Variants in GTF2H4 observed in about 807,000 individuals in gnomAD.
GTF2H4 encodes general transcription factor IIH subunit 4, also known as BTF2 p52.
A neutral mutation model predicts 62.2 loss-of-function variants in GTF2H4; 49 were observed. The ratio of observed to expected loss-of-function variants is 0.79; its 90% confidence interval spans 0.63 to 1.00. The LOEUF is 1.00. GTF2H4 is among the 50% of genes least tolerant of loss of function. The pLI, the probability that GTF2H4 is intolerant of heterozygous loss-of-function variation, is 0.00. For missense variants in GTF2H4, 479 were observed against 587.8 expected (o/e 0.81, Z 1.91); for synonymous variants, 189 against 233.8 (o/e 0.81, Z 1.75).
In GTF2H4 at chr6:30,914,018, G is replaced by GGACTGGGCGA; in HGVS notation, c.*44_*45insAGACTGGGCG. ...ACTTGGACACGGACCTCGGCGGGCG[G>GGACTGGGCGA]GACTGGGCGGGGCGGGGCATCAGAA... On this transcript the variant is annotated 3_prime_UTR_variant, in exon 14 of 14. Transcript: ENST00000259895. The GGACTGGGCGA allele has an allele frequency of 6.6e-7, 1 of 1,516,326 alleles. No individual in the cohort carries two copies. The highest frequency in any genetic ancestry group is 1.2e-5 in the South Asian group (1 of 83,758). The allele number at this position is 1,516,326 out of a possible 1,614,324, so 93.9% of individuals were successfully genotyped here.
In GTF2H4 at chr6:30,911,640, G is replaced by A. The variant is rs749880353; in HGVS notation, c.742-44G>A. Reference sequence around the variant, plus strand: ...AATGAATGTATGGGGTTGGGGGTGGGTGGGTTGTGTTTTGGACCCCAGCTG... The same window carrying A: ...AATGAATGTATGGGGTTGGGGGTGGATGGGTTGTGTTTTGGACCCCAGCTG... On this transcript the variant is annotated intron_variant, in intron 8 of 13. Coordinates refer to ENST00000259895, the MANE Select transcript of GTF2H4 (RefSeq NM_001517.5). This position sits in a 1 kb window ranked among gnomAD's most constrained non-coding sequence, Gnocchi z 4.3. 2.1e-6 allele frequency: 3 copies of A among 1,460,118 alleles called. No individual in the cohort carries two copies. The highest frequency in any genetic ancestry group is 2.3e-5 in the East Asian group (1 of 44,108). The allele number at this position is 1,460,118 out of a possible 1,614,324, so 90.4% of individuals were successfully genotyped here.
At position 30,914,019 on chromosome 6, in the gene GTF2H4, G is replaced by GGGGGGGGGT; in HGVS notation, c.*36_*37insGGGGGGGGT. On this transcript the variant is annotated 3_prime_UTR_variant, in exon 14 of 14. Transcript: ENST00000259895. ...CTTGGACACGGACCTCGGCGGGCGG[G>GGGGGGGGGT]ACTGGGCGGGGCGGGGCATCAGAAC... 7.5e-7 allele frequency: 1 copy of GGGGGGGGGT among 1,329,176 alleles called. No individual in the cohort carries two copies. The highest frequency in any genetic ancestry group is 1.1e-6 in the Non-Finnish European group (1 of 947,432). The allele number at this position is 1,329,176 out of a possible 1,614,324, so 82.3% of individuals were successfully genotyped here.
In GTF2H4 at chr6:30,909,816, CT is replaced by C. The variant is rs1793689895; in HGVS notation, c.243-115del. 2 of 986,462 alleles carry C rather than the reference CT, an allele frequency of 2.0e-6. No homozygotes were observed. Among genetic ancestry groups the C allele is most frequent in the Non-Finnish European group, 3.1e-6 (2 of 654,798 alleles). The allele number at this position is 986,462 out of a possible 1,614,324, so 61.1% of individuals were successfully genotyped here. A position where few individuals can be genotyped will look rare whatever the true frequency, so the allele number is the denominator to read the frequency against. ...TTGTCTTAGGAAGATACTAATTTCA[CT>C]CTGTGGAACAGTGTTCCAAGGGTCA... is the stretch of plus-strand genomic sequence containing the variant. On this transcript the variant is annotated intron_variant, in intron 3 of 13. Coordinates refer to ENST00000259895, the MANE Select transcript of GTF2H4 (RefSeq NM_001517.5). The surrounding 1 kb of genome is among the most constrained non-coding windows in gnomAD (Gnocchi z 4.3).
Position 30,909,851 on chromosome 6 carries a change from A to C in GTF2H4, c.243-81A>C, listed in dbSNP as rs1793690928. On this transcript the variant is annotated intron_variant, in intron 3 of 13. Coordinates refer to ENST00000259895, the MANE Select transcript of GTF2H4 (RefSeq NM_001517.5). The surrounding 1 kb of genome is among the most constrained non-coding windows in gnomAD (Gnocchi z 4.3). ...CAGTGTTCCAAGGGTCAGCAAGTTC[A>C]GAACAGGCAGAGATGGTGGCTTTTA... 6.5e-6 allele frequency: 9 copies of C among 1,394,344 alleles called. No homozygotes were observed. Among genetic ancestry groups the C allele is most frequent in the Non-Finnish European group, 8.9e-6 (9 of 1,015,818 alleles). 86.4% of individuals were successfully genotyped at this position (1,394,344 alleles called of 1,614,324 possible). A position where few individuals can be genotyped will look rare whatever the true frequency, so the allele number is the denominator to read the frequency against.
At position 30,909,847 on chromosome 6, in the gene GTF2H4, G is replaced by A. The variant is rs1038759770; in HGVS notation, c.243-85G>A. ...GGAACAGTGTTCCAAGGGTCAGCAA[G>A]TTCAGAACAGGCAGAGATGGTGGCT... On this transcript the variant is annotated intron_variant, in intron 3 of 13. Coordinates refer to ENST00000259895, the MANE Select transcript of GTF2H4 (RefSeq NM_001517.5). The surrounding 1 kb of genome is among the most constrained non-coding windows in gnomAD (Gnocchi z 4.3). The A allele has an allele frequency of 5.1e-6, 7 of 1,367,094 alleles. No individual in the cohort carries two copies. The highest frequency in any genetic ancestry group is 2.2e-5 in the Admixed American group (1 of 46,326). 84.7% of individuals were successfully genotyped at this position (1,367,094 alleles called of 1,614,324 possible).
chr6:30,911,986 A>G lies in GTF2H4; in HGVS notation c.826-28A>G. On this transcript the variant is annotated intron_variant, in intron 9 of 13. Coordinates refer to ENST00000259895, the MANE Select transcript of GTF2H4 (RefSeq NM_001517.5). The surrounding 1 kb of genome is among the most constrained non-coding windows in gnomAD (Gnocchi z 4.3). Reference sequence around the variant, plus strand: ...GATGTAAGGCAGTGACTTCTGAGACAAGGCATCTGCCTTTCTATTCTTTTC... The same window carrying G: ...GATGTAAGGCAGTGACTTCTGAGACGAGGCATCTGCCTTTCTATTCTTTTC... 3 of 1,610,630 alleles carry G rather than the reference A, an allele frequency of 1.9e-6. No homozygotes were observed. Among genetic ancestry groups the G allele is most frequent in the Non-Finnish European group, 2.5e-6 (3 of 1,178,704 alleles).
rs1160308811 is a variant in GTF2H4, at chr6:30,910,014, A to G, written c.325A>G (p.Ile109Val). Residue 109 changes from isoleucine (I) to valine (V), a missense_variant, in exon 4 of 14, where the codon ATC becomes GTC. Physicochemically the swap from Ile to Val is conservative, Grantham distance 29. Transcript: ENST00000259895. This position sits in a 1 kb window ranked among gnomAD's most constrained non-coding sequence, Gnocchi z 4.7. Reference sequence around the variant, plus strand: ...GCTCCCAGGCGGGCTCCAGGGCCTCATCCTCAACCCCATTTTCCGCCAGAA... The same window carrying G: ...GCTCCCAGGCGGGCTCCAGGGCCTCGTCCTCAACCCCATTTTCCGCCAGAA... ...QLLPGGLQGL[I>V]LNPIFRQNLR... 6.2e-7 allele frequency: 1 copy of G among 1,612,920 alleles called. No individual in the cohort carries two copies. The highest frequency in any genetic ancestry group is 1.7e-5 in the Admixed American group (1 of 60,014).
rs1404241903 is a variant in GTF2H4, at chr6:30,911,490, T to C, written c.732T>C (p.Thr244=). Reference sequence around the variant, plus strand: ...TCCTCTTCCAGCTCAGCTTCTCTACTCTGGGCAAGGTAAGCAGGGGGCTGA... The same window carrying C: ...TCCTCTTCCAGCTCAGCTTCTCTACCCTGGGCAAGGTAAGCAGGGGGCTGA... ...LSFLFQLSFS[T]LGKDYSVEGM... Residue 244 remains threonine, a synonymous_variant, in exon 8 of 14, where the codon ACT becomes ACC. Coordinates refer to ENST00000259895, the MANE Select transcript of GTF2H4 (RefSeq NM_001517.5). The surrounding 1 kb of genome is among the most constrained non-coding windows in gnomAD (Gnocchi z 4.3). 6 of 1,613,878 alleles carry C rather than the reference T, an allele frequency of 3.7e-6. No individual in the cohort carries two copies. The highest frequency in any genetic ancestry group is 5.1e-6 in the Non-Finnish European group (6 of 1,179,828).
chr6:30,910,615 G>A lies in GTF2H4; in HGVS notation c.375-50G>A. The stretch of plus-strand genomic sequence containing the variant: ...CAAAGTACAGGGATTACAGGTGTGA[G>A]CCACTGCGCCTGGCCAGGGTTCCTT... On this transcript the variant is annotated intron_variant, in intron 4 of 13. Coordinates refer to ENST00000259895, the MANE Select transcript of GTF2H4 (RefSeq NM_001517.5). The surrounding 1 kb of genome is among the most constrained non-coding windows in gnomAD (Gnocchi z 4.7). 3 of 1,326,284 alleles carry A rather than the reference G, an allele frequency of 2.3e-6. No homozygotes were observed. The highest frequency in any genetic ancestry group is 3.3e-6 in the Non-Finnish European group (3 of 920,374). 82.2% of individuals were successfully genotyped at this position (1,326,284 alleles called of 1,614,324 possible). A position where few individuals can be genotyped will look rare whatever the true frequency, so the allele number is the denominator to read the frequency against.
rs1162179695 is a variant in GTF2H4 at position 30,911,494 on chromosome 6, G to A, written c.736G>A (p.Gly246Ser). ...CTTCCAGCTCAGCTTCTCTACTCTGGGCAAGGTAAGCAGGGGGCTGAAAGG... is the reference window on the plus strand; with the variant it reads ...CTTCCAGCTCAGCTTCTCTACTCTGAGCAAGGTAAGCAGGGGGCTGAAAGG... ...FLFQLSFSTL[G>S]KDYSVEGMSD... Residue 246 changes from glycine (G) to serine (S), a missense_variant, in exon 8 of 14, where the codon GGC becomes AGC. Gly to Ser is a moderately conservative substitution (Grantham distance 56). Coordinates refer to ENST00000259895, the MANE Select transcript of GTF2H4 (RefSeq NM_001517.5). This position sits in a 1 kb window ranked among gnomAD's most constrained non-coding sequence, Gnocchi z 4.3. 6.2e-7 allele frequency: 1 copy of A among 1,613,848 alleles called. No individual in the cohort carries two copies. The highest frequency in any genetic ancestry group is 8.5e-7 in the Non-Finnish European group (1 of 1,179,732).
At position 30,911,196 on chromosome 6, in the gene GTF2H4, G is replaced by C. The variant is rs763158868; in HGVS notation, c.599G>C (p.Gly200Ala). The stretch of plus-strand genomic sequence containing the variant: ...GAGCCGCCCTGCATTACTTCCGCTG[G>C]CTTCCAGTTCCTGTTGCTGGACACC... ...PGEPPCITSA[G>A]FQFLLLDTPA... Residue 200 changes from glycine to alanine, a missense_variant, in exon 7 of 14, where the codon GGC becomes GCC. Gly to Ala is a moderately conservative substitution (Grantham distance 60). Coordinates refer to ENST00000259895, the MANE Select transcript of GTF2H4 (RefSeq NM_001517.5). This position sits in a 1 kb window ranked among gnomAD's most constrained non-coding sequence, Gnocchi z 4.3. 5.6e-6 allele frequency: 9 copies of C among 1,613,648 alleles called. No individual in the cohort carries two copies. Among genetic ancestry groups the C allele is most frequent in the Non-Finnish European group, 7.6e-6 (9 of 1,180,004 alleles).
Position 30,910,809 on chromosome 6 carries a change from A to G in GTF2H4, c.472-44A>G, listed in dbSNP as rs1189090087. The G allele has an allele frequency of 1.2e-6, 2 of 1,603,490 alleles. No homozygotes were observed. Among genetic ancestry groups the G allele is most frequent in the Non-Finnish European group, 1.7e-6 (2 of 1,172,094 alleles). On this transcript the variant is annotated intron_variant, in intron 5 of 13. Coordinates refer to ENST00000259895, the MANE Select transcript of GTF2H4 (RefSeq NM_001517.5). The surrounding 1 kb of genome is among the most constrained non-coding windows in gnomAD (Gnocchi z 4.7). ...GTCTCTGCTTGTGCTTCTACTTCCCATGGCCCTTGGGGCATGGTCTCCCTG... is the reference window on the plus strand; with the variant it reads ...GTCTCTGCTTGTGCTTCTACTTCCCGTGGCCCTTGGGGCATGGTCTCCCTG...
rs752680523 is a variant in GTF2H4, at chr6:30,911,469, C to T, written c.711C>T (p.Leu237=). ...ACCTGGTAGAGATTCTCTCCTTCCT[C>T]TTCCAGCTCAGCTTCTCTACTCTGG... ...GMDLVEILSF[L]FQLSFSTLGK... Residue 237 remains leucine, a synonymous_variant, in exon 8 of 14, where the codon CTC becomes CTT. Transcript: ENST00000259895. This position sits in a 1 kb window ranked among gnomAD's most constrained non-coding sequence, Gnocchi z 4.3. 6.2e-7 allele frequency: 1 copy of T among 1,614,138 alleles called. No individual in the cohort carries two copies. Among genetic ancestry groups the T allele is most frequent in the Non-Finnish European group, 8.5e-7 (1 of 1,179,980 alleles).
Position 30,913,516 on chromosome 6 carries a change from G to C in GTF2H4, c.1216+129G>C. ...GGCAAGACAGTTTTTTGTTGTTTTG[G>C]GGTGAGTCGGTAGTAAACAAATCGT... On this transcript the variant is annotated intron_variant, in intron 13 of 13. Transcript: ENST00000259895. The surrounding 1 kb of genome is among the most constrained non-coding windows in gnomAD (Gnocchi z 4.2). 3 of 1,053,784 alleles carry C rather than the reference G, an allele frequency of 2.8e-6. No homozygotes were observed. Among genetic ancestry groups the C allele is most frequent in the Non-Finnish European group, 4.1e-6 (3 of 727,332 alleles). The allele number at this position is 1,053,784 out of a possible 1,614,324, so 65.3% of individuals were successfully genotyped here.
At chr6:30,908,915 G>A (rs1793649409) in intron 1 of GTF2H4, 119 bp from the exon 2 acceptor site, 1 of 1,122,326 alleles carries the variant, frequency 8.9e-7, no homozygotes, top group Non-Finnish European at 1.3e-6. Flanking sequence ...CATGGGAAAG[G>A]AGACCACAGA....
chr6:30,910,094 G>A lies in GTF2H4; in HGVS notation c.374+31G>A, dbSNP rs1182585289. The A allele has an allele frequency of 6.2e-7, 1 of 1,608,168 alleles. No individual in the cohort carries two copies. Among genetic ancestry groups the A allele is most frequent in the Non-Finnish European group, 8.5e-7 (1 of 1,177,868 alleles). On this transcript the variant is annotated intron_variant, in intron 4 of 13. Coordinates refer to ENST00000259895, the MANE Select transcript of GTF2H4 (RefSeq NM_001517.5). The surrounding 1 kb of genome is among the most constrained non-coding windows in gnomAD (Gnocchi z 4.7). The stretch of plus-strand genomic sequence containing the variant: ...TCACTTCTCTCTCTTCCTAAGCTAG[G>A]GCAGGGGAACTGCTGCTTATTAAAC...
At position 30,912,343 on chromosome 6, in the gene GTF2H4, T is replaced by G. The variant is rs750533892; in HGVS notation, c.974T>G (p.Ile325Ser). Residue 325 changes from isoleucine (I) to serine (S), a missense_variant, in exon 11 of 14, where the codon ATT becomes AGT. Transcript: ENST00000259895. The surrounding 1 kb of genome is among the most constrained non-coding windows in gnomAD (Gnocchi z 4.8). Reference protein sequence around the residue: ...LYAYTESELQIALIALFSEML... With the variant: ...LYAYTESELQSALIALFSEML... ...CCTGGCTCAGAGTCGGAGCTGCAGA[T>G]TGCCCTCATTGCCCTCTTCTCTGAG... 2.5e-6 allele frequency: 4 copies of G among 1,613,018 alleles called. No homozygotes were observed. In the Admixed American group the frequency reaches 6.7e-5, roughly 27 times the overall value.
In GTF2H4 at chr6:30,911,614, G is replaced by T; in HGVS notation, c.742-70G>T. 1.2e-6 allele frequency: 1 copy of T among 819,012 alleles called. No homozygotes were observed. Among genetic ancestry groups the T allele is most frequent in the Non-Finnish European group, 1.9e-6 (1 of 518,528 alleles). 50.7% of individuals were successfully genotyped at this position (819,012 alleles called of 1,614,324 possible). ...GAACGAACAGAGATGGAGAAAGAAAGAATGAATGTATGGGGTTGGGGGTGG... is the reference window on the plus strand; with the variant it reads ...GAACGAACAGAGATGGAGAAAGAAATAATGAATGTATGGGGTTGGGGGTGG... On this transcript the variant is annotated intron_variant, in intron 8 of 13. Transcript: ENST00000259895. This position sits in a 1 kb window ranked among gnomAD's most constrained non-coding sequence, Gnocchi z 4.3.
rs140111826 is a variant in GTF2H4 at position 30,912,040 on chromosome 6, A to C, written c.852A>C (p.Thr284=). The C allele has an allele frequency of 1.0e-4, 162 of 1,612,880 alleles. No individual in the cohort carries two copies. In the African/African-American group the frequency reaches 2.1e-3, roughly 20 times the overall value. Residue 284 remains threonine (T), a synonymous_variant, in exon 10 of 14, where the codon ACA becomes ACC. Coordinates refer to ENST00000259895, the MANE Select transcript of GTF2H4 (RefSeq NM_001517.5). This position sits in a 1 kb window ranked among gnomAD's most constrained non-coding sequence, Gnocchi z 4.8. ...GGAAATCTCGGCGTTACTACCCCAC[A>C]CGCCTGGCCATCAATCTCTCATCAG... is the stretch of plus-strand genomic sequence containing the variant. ...RKRKSRRYYP[T]RLAINLSSGV...
Sources: allele counts gnomAD v4.1 joint callset, GRCh38; gene constraint gnomAD v4.1.1; non-coding constraint Gnocchi (gnomAD v3.1); transcripts MANE v1.5; gene names NCBI Gene and HGNC (gene_info 2026-07-23, HGNC 2026-07-21).